TNKS: variants seen among roughly 807,000 people sequenced by gnomAD.
The protein encoded by TNKS is poly [ADP-ribose] polymerase tankyrase-1.
In TNKS, 72 loss-of-function variants were observed where a neutral mutation model predicts 135.8. The observed-to-expected ratio is 0.53, with a 90% CI of 0.44 to 0.64. The LOEUF (loss-of-function observed/expected upper bound fraction) is 0.64. Ranked by LOEUF, TNKS falls within the 30% of genes least tolerant of loss-of-function variation. The pLI, the probability that TNKS is intolerant of heterozygous loss-of-function variation, is 0.00. For missense variants in TNKS, 1,769 were observed against 1,674.0 expected (o/e 1.06, Z -0.99); for synonymous variants, 849 against 649.3 (o/e 1.31, Z -4.68).
At chr8:9,667,653 G>T (rs1337858950) in intron 3 of TNKS, among the ~76,000 whole-genome samples, 2 of 152,210 alleles carry the variant, frequency 1.3e-5, no homozygotes, top group African/African-American at 4.8e-5. Flanking sequence ...GTCTCAGAAA[G>T]ATGTAGTGAG....
At chr8:9,658,006 CG>C (rs1801497794) in intron 3 of TNKS, among the ~76,000 whole-genome samples, 1 of 68,484 alleles carries the variant, frequency 1.5e-5, no homozygotes, top group Admixed American at 1.3e-4. Flanking sequence ...CCAGATGGGG[CG>C]GCGGGGCAGA....
At chr8:9,606,935 C>G (rs1166488805) in intron 2 of TNKS, among the ~76,000 whole-genome samples, 1 of 152,088 alleles carries the variant, frequency 6.6e-6, no homozygotes, top group Non-Finnish European at 1.5e-5. Context: ...TCCCATGTTT[C>G]TTTAAGATTG....
intron 15 of TNKS, among the ~76,000 whole-genome samples, chr8:9,734,477 C>G (rs1805591804): frequency 6.6e-6 from 1 of 151,966 alleles, no homozygotes; most frequent in African/African-American, 2.4e-5. Context: ...TTACTCTACT[C>G]TCTTCTTTTT....
chr8:9,752,443 C>CT, intron 19 of TNKS, 101 bp from the exon 20 acceptor site: 1 of 777,240 alleles, frequency 1.3e-6, no homozygotes, highest in South Asian at 1.7e-5. Flanking sequence ...GGAAAATCAT[C>CT]TGACAGCCAA....
At chr8:9,717,941 A>G (rs1563188259) in intron 11 of TNKS, among the ~76,000 whole-genome samples, 2 of 152,156 alleles carry the variant, frequency 1.3e-5, no homozygotes, top group Non-Finnish European at 2.9e-5. Flanking sequence ...AGATATATAC[A>G]GGCAAAATAC....
chr8:9,636,673 G>C (rs925929709), intron 3 of TNKS, among the ~76,000 whole-genome samples: 11 of 152,146 alleles, frequency 7.2e-5, no homozygotes, highest in Non-Finnish European at 1.5e-4. Flanking sequence ...TGAAGCAAAT[G>C]ATATCTGTGT....
At chr8:9,769,072 C>T (rs1427707933) in intron 25 of TNKS, among the ~76,000 whole-genome samples, 2 of 152,182 alleles carry the variant, frequency 1.3e-5, no homozygotes, top group Non-Finnish European at 1.5e-5. Context: ...TAGAGATTAG[C>T]AGACATTTTC....
intron 2 of TNKS, among the ~76,000 whole-genome samples, chr8:9,586,883 G>C (rs774121519): frequency 8.9e-4 from 135 of 152,002 alleles, no homozygotes; most frequent in Non-Finnish European, 1.6e-3. Flanking sequence ...GAGGGTCACC[G>C]TGGTCTGCTG....
chr8:9,636,624 G>A (rs1800521457), intron 3 of TNKS, among the ~76,000 whole-genome samples: 1 of 152,204 alleles, frequency 6.6e-6, no homozygotes, highest in Admixed American at 6.5e-5. Flanking sequence ...ATCTTGTTCT[G>A]AAGAAAACTC....
intron 22 of TNKS, among the ~76,000 whole-genome samples, chr8:9,763,992 A>G (rs1585435843): frequency 6.6e-6 from 1 of 152,126 alleles, no homozygotes; most frequent in Admixed American, 6.5e-5. Context: ...TTCAGCTCAT[A>G]CGTAGCGCAT....
intron 3 of TNKS, among the ~76,000 whole-genome samples, chr8:9,663,130 C>G (rs1454281265): frequency 6.6e-6 from 1 of 152,190 alleles, no homozygotes; most frequent in Non-Finnish European, 1.5e-5. Context: ...CTGAAAAAGA[C>G]AAGGAAATGT....
chr8:9,708,768 C>T lies in TNKS; in HGVS notation c.1578+276C>T, dbSNP rs538476295. ...AATCCACTTTTGTGGCCAGTGCTTT[C>T]ATAAACTACAAGATATGATTTTTCA... On this transcript the variant is annotated intron_variant, in intron 9 of 26. Coordinates refer to ENST00000310430, the MANE Select transcript of TNKS (RefSeq NM_003747.3). 9.9e-5 allele frequency among the ~76,000 whole-genome samples: 15 copies of T among 152,150 alleles called. No individual in the cohort carries two copies. The South Asian group carries it at 2.9e-3, about 29-fold the overall frequency.
chr8:9,715,216 A>G (rs369304006), intron 11 of TNKS, among the ~76,000 whole-genome samples: 1 of 152,116 alleles, frequency 6.6e-6, no homozygotes, highest in African/African-American at 2.4e-5. Flanking sequence ...AAGGAGATAG[A>G]AGCAGAGATA....
chr8:9,720,606 A>G lies in TNKS; in HGVS notation c.1921+61A>G, dbSNP rs1181990009. ...TTCTCTTCCATCCCTGCTGAAATAC[A>G]CAGACAAACTTTGCAGTGTTTACTT... On this transcript the variant is annotated intron_variant, in intron 12 of 26. Transcript: ENST00000310430. 11 of 1,508,124 alleles carry G rather than the reference A, an allele frequency of 7.3e-6. No individual in the cohort carries two copies. The Admixed American group carries it at 1.3e-4, about 17-fold the overall frequency. 93.4% of individuals were successfully genotyped at this position (1,508,124 alleles called of 1,614,324 possible).
intron 20 of TNKS, among the ~76,000 whole-genome samples, chr8:9,756,972 T>G (rs887187343): frequency 4.1e-5 from 6 of 145,072 alleles, no homozygotes; most frequent in East Asian, 3.9e-4. Flanking sequence ...TTTTTGTTTG[T>G]TTTTTTTTGT....
chr8:9,679,279 A>C (rs990833743), intron 3 of TNKS, among the ~76,000 whole-genome samples: 1 of 152,226 alleles, frequency 6.6e-6, no homozygotes, highest in Non-Finnish European at 1.5e-5. Context: ...TTAAGATTAC[A>C]GCATGTCAGA....
At chr8:9,717,101 A>ATATATATATTTTTTTTTTTT (rs1454492300) in intron 11 of TNKS, among the ~76,000 whole-genome samples, 1 of 119,332 alleles carries the variant, frequency 8.4e-6, no homozygotes, top group African/African-American at 2.9e-5. Flanking sequence ...ATATATATAT[A>ATATATATATTTTTTTTTTTT]TTTTCAGGGA....
rs1805492932 is a variant in TNKS at position 9,732,482 on chromosome 8, C to G, written c.2148-797C>G. ...TATTTATCTTTTAAAAGGGACACATCAGACATGAATATTTCAAACTGTTTC... is the reference window on the plus strand; with the variant it reads ...TATTTATCTTTTAAAAGGGACACATGAGACATGAATATTTCAAACTGTTTC... On this transcript the variant is annotated intron_variant, in intron 14 of 26. Coordinates refer to ENST00000310430, the MANE Select transcript of TNKS (RefSeq NM_003747.3). Among the ~76,000 whole-genome samples, 2 of 151,686 alleles carry G rather than the reference C, an allele frequency of 1.3e-5. 1 individual carries two copies. Among genetic ancestry groups the G allele is most frequent in the South Asian group, 4.2e-4 (2 of 4,808 alleles).
At chr8:9,624,833 T>G (rs573163219) in intron 3 of TNKS, among the ~76,000 whole-genome samples, 54 of 152,324 alleles carry the variant, frequency 3.5e-4, no homozygotes, top group East Asian at 1.3e-3. Context: ...GTATAACCTA[T>G]GGAGGCATAT....
Sources: allele counts gnomAD v4.1 joint callset (sites outside exome capture counted in the v4.1 genomes callset), GRCh38; gene constraint gnomAD v4.1.1; transcripts MANE v1.5; gene names NCBI Gene and HGNC (gene_info 2026-07-23, HGNC 2026-07-21).